Variants in SOS2 observed in about 807,000 individuals in gnomAD.
SOS2 encodes SOS Ras/Rho guanine nucleotide exchange factor 2, also known as son of sevenless homolog 2.
SOS2 carries 65 observed loss-of-function variants against 148.2 expected under a neutral mutation model. The observed-to-expected ratio is 0.44, with a 90% CI of 0.36 to 0.54. SOS2 has a LOEUF of 0.54. Among genes scored for constraint, SOS2 ranks in the 20% least tolerant of loss-of-function variants. The pLI is 0.00. For missense variants in SOS2, 1,341 were observed against 1,590.2 expected, an observed-to-expected ratio of 0.84 and a Z score of 2.67; for synonymous variants, 539 against 537.1, an observed-to-expected ratio of 1.00 and a Z score of -0.05.
intron 1 of SOS2, among the ~76,000 whole-genome samples, chr14:50,212,538 G>A (rs571306243): frequency 6.6e-6 from 1 of 152,346 alleles, no homozygotes; most frequent in East Asian, 1.9e-4. Context: ...GTTATCCTGA[G>A]AAAAGTGCTG....
chr14:50,215,640 G>C (rs953022130), intron 1 of SOS2: 1 of 192,628 alleles, frequency 5.2e-6, no homozygotes, highest in African/African-American at 2.4e-5. Context: ...AATTGTTAGT[G>C]GGTGCAGCGC....
intron 8 of SOS2, among the ~76,000 whole-genome samples, chr14:50,166,286 G>A (rs1885159556): frequency 1.3e-5 from 2 of 152,002 alleles, no homozygotes; most frequent in African/African-American, 4.8e-5. Flanking sequence ...GCAGTGGCAC[G>A]ATCTCGGCTC....
intron 1 of SOS2, among the ~76,000 whole-genome samples, chr14:50,205,071 A>C (rs1253089531): frequency 6.6e-6 from 1 of 152,042 alleles, no homozygotes; most frequent in South Asian, 2.1e-4. Flanking sequence ...AAATTTAAAA[A>C]AGTATTGCTT....
intron 1 of SOS2, among the ~76,000 whole-genome samples, chr14:50,209,274 C>CGTGTGTGTGTCTGTGTGT (rs1886780957): frequency 8.5e-6 from 1 of 118,276 alleles, no homozygotes; most frequent in Non-Finnish European, 1.9e-5. Context: ...CCTTAAATGT[C>CGTGTGTGTGTCTGTGTGT]GTGTGTGTGT....
intron 19 of SOS2, among the ~76,000 whole-genome samples, chr14:50,132,201 C>A (rs1471991671): frequency 6.6e-6 from 1 of 151,904 alleles, no homozygotes; most frequent in Non-Finnish European, 1.5e-5. Context: ...GTGGTCCAGT[C>A]AAAGCAAAAC....
rs766057658 is a variant in SOS2, at chr14:50,118,383, G to A, written c.3960C>T (p.Tyr1320=). The A allele has an allele frequency of 5.0e-6, 8 of 1,614,034 alleles. No homozygotes were observed. The East Asian group carries it at 1.6e-4, about 31-fold the overall frequency. ...CTGCATTTTCTAGCAAAGGCAGTCT[G>A]TACAATGGGGGGTGCGAAAGCTCCC... ...YKRELSHPPL[Y]RLPLLENAET... Residue 1320 remains tyrosine (Y), a synonymous_variant, in exon 23 of 23, where the codon TAC becomes TAT. Transcript: ENST00000216373.
intron 4 of SOS2, among the ~76,000 whole-genome samples, chr14:50,189,489 T>C (rs1886050589): frequency 6.6e-6 from 1 of 152,106 alleles, no homozygotes; most frequent in Non-Finnish European, 1.5e-5. Context: ...GAATTCAATG[T>C]GGTAATGTAT....
intron 8 of SOS2, among the ~76,000 whole-genome samples, chr14:50,163,529 A>G (rs1885077799): frequency 6.6e-6 from 1 of 152,222 alleles, no homozygotes; most frequent in Non-Finnish European, 1.5e-5. Flanking sequence ...TAAATAATGT[A>G]AATGACTATT....
Position 50,130,509 on chromosome 14 carries a change from C to A in SOS2, c.3329G>T (p.Ser1110Ile). The A allele has an allele frequency of 6.2e-7, 1 of 1,613,394 alleles. No individual in the cohort carries two copies. Among genetic ancestry groups the A allele is most frequent in the Non-Finnish European group, 8.5e-7 (1 of 1,179,494 alleles). ...TTACATCAAATACTTACCACAGGAG[C>A]TGTTGAGATCCACATCTAAAAATAC... ...LSVFLDVDLNSSCGSNSIFAP... is the reference protein window; with the variant it reads ...LSVFLDVDLNISCGSNSIFAP... Residue 1110 changes from serine to isoleucine, a missense_variant, in exon 20 of 23, where the codon AGC becomes ATC. By Grantham distance (142) the Ser-to-Ile change is moderately radical (BLOSUM62 -2). Transcript: ENST00000216373.
chr14:50,126,030 A>G (rs555504208), intron 21 of SOS2, among the ~76,000 whole-genome samples: 18 of 152,194 alleles, frequency 1.2e-4, no homozygotes, highest in Non-Finnish European at 2.5e-4. Flanking sequence ...CCATCACTCT[A>G]CAGTGAAACC....
At chr14:50,200,814 T>G (rs1886462269) in intron 3 of SOS2, 139 bp downstream of exon 3, 3 of 640,364 alleles carry the variant, frequency 4.7e-6, no homozygotes, top group Admixed American at 4.8e-5. Context: ...ATATGCGATG[T>G]GTATGTACAA....
intron 1 of SOS2, among the ~76,000 whole-genome samples, chr14:50,225,926 T>A (rs1197650858): frequency 6.6e-6 from 1 of 151,816 alleles, no homozygotes; most frequent in Non-Finnish European, 1.5e-5. Flanking sequence ...AAATAAGTCA[T>A]TAAATTCAGA....
chr14:50,224,972 T>G (rs1025513251), intron 1 of SOS2, among the ~76,000 whole-genome samples: 5 of 151,892 alleles, frequency 3.3e-5, no homozygotes, highest in African/African-American at 1.2e-4. Flanking sequence ...ACAGAAAACT[T>G]TACTTAGAAG....
chr14:50,194,898 C>G (rs574050460), intron 4 of SOS2, among the ~76,000 whole-genome samples: 1 of 151,872 alleles, frequency 6.6e-6, no homozygotes, highest in Non-Finnish European at 1.5e-5. Flanking sequence ...TCAAAGGCAC[C>G]TGGCCTTTTC....
chr14:50,178,522 G>A (rs547833361), intron 7 of SOS2, among the ~76,000 whole-genome samples: 1 of 151,584 alleles, frequency 6.6e-6, no homozygotes, highest in African/African-American at 2.4e-5. Context: ...TGAGTGCAGT[G>A]TTGCAATCTC....
chr14:50,129,316 A>G (rs1175314130), intron 21 of SOS2, among the ~76,000 whole-genome samples: 1 of 152,200 alleles, frequency 6.6e-6, no homozygotes, highest in Non-Finnish European at 1.5e-5. Context: ...AAGAAAGACA[A>G]CTGACATGAA....
At chr14:50,177,033 T>C (rs1342330354) in intron 7 of SOS2, among the ~76,000 whole-genome samples, 1 of 152,054 alleles carries the variant, frequency 6.6e-6, no homozygotes, top group African/African-American at 2.4e-5. Context: ...AAACTATTAA[T>C]TGGCCCAAAG....
chr14:50,163,982 G>C (rs189431602), intron 8 of SOS2, among the ~76,000 whole-genome samples: 2 of 152,102 alleles, frequency 1.3e-5, no homozygotes, highest in East Asian at 1.9e-4. Flanking sequence ...GGGATTTCCT[G>C]GTAATGGAAG....
At chr14:50,146,303 A>C (rs753220935) in intron 14 of SOS2, among the ~76,000 whole-genome samples, 4 of 152,138 alleles carry the variant, frequency 2.6e-5, no homozygotes, top group Admixed American at 6.5e-5. Flanking sequence ...CGGATGACTC[A>C]GCAATTTGAC....
Sources: gnomAD v4.1 joint callset for allele counts (sites outside exome capture counted in the v4.1 genomes callset) on GRCh38, gnomAD v4.1.1 for gene constraint, MANE v1.5 for transcripts, NCBI Gene and HGNC (gene_info 2026-07-23, HGNC 2026-07-21) for gene names.